The following CSMD1 variants were observed in gnomAD, a reference collection of about 807,000 sequenced individuals.
The protein encoded by CSMD1 is CUB and Sushi multiple domains 1, also known as CUB and sushi domain-containing protein 1.
Under a neutral mutation model 417.5 loss-of-function variants are expected in CSMD1, and 213 were observed. The ratio of observed to expected loss-of-function variants is 0.51; its 90% CI spans 0.46 to 0.57. CSMD1 has a LOEUF of 0.57. CSMD1 is among the 20% of genes least tolerant of loss of function. The pLI, the probability that CSMD1 is intolerant of heterozygous loss-of-function variation, is 0.00. For missense variants in CSMD1, 6,923 were observed against 4,529.7 expected, an observed-to-expected ratio of 1.53 and a Z score of -15.17; for synonymous variants, 2,862 against 1,736.8, an observed-to-expected ratio of 1.65 and a Z score of -16.11.
At chr8:3,128,817 T>C in intron 41 of CSMD1, 1 of 437,870 alleles carries the variant, frequency 2.3e-6, no homozygotes, top group Non-Finnish European at 4.5e-6. Flanking sequence ...TTTTTTTAAT[T>C]GAAAGTCCTT....
intron 10 of CSMD1, among the ~76,000 whole-genome samples, chr8:3,518,621 T>C (rs761782678): frequency 1.3e-5 from 2 of 152,184 alleles, no homozygotes; most frequent in Non-Finnish European, 2.9e-5. Flanking sequence ...TGGGAGTTAA[T>C]GTAGGGTATC....
chr8:4,824,486 T>C (rs1799702168), intron 1 of CSMD1, among the ~76,000 whole-genome samples: 1 of 152,140 alleles, frequency 6.6e-6, no homozygotes, highest in Non-Finnish European at 1.5e-5. Context: ...AGAAATAGAA[T>C]GGTTTTTAAA....
intron 1 of CSMD1, among the ~76,000 whole-genome samples, chr8:4,746,673 T>G (rs1158629913): frequency 1.3e-5 from 2 of 152,174 alleles, no homozygotes; most frequent in South Asian, 2.1e-4. Context: ...AGTTCATTTA[T>G]GCATCTGCTG....
intron 9 of CSMD1, among the ~76,000 whole-genome samples, chr8:3,577,625 T>C (rs13255417): frequency 0.34 from 51,614 of 152,058 alleles, 10,233 homozygotes; most frequent in Middle Eastern, 0.45. Flanking sequence ...AATATTAGCA[T>C]AGCTTCTGAA....
chr8:4,562,763 G>C (rs897874405), intron 2 of CSMD1, among the ~76,000 whole-genome samples: 2 of 152,112 alleles, frequency 1.3e-5, no homozygotes, highest in African/African-American at 4.8e-5. Flanking sequence ...TGTTAGCAGA[G>C]TCAAGAATAT....
intron 7 of CSMD1, among the ~76,000 whole-genome samples, chr8:3,703,322 C>G (rs1481706): frequency 2.6e-5 from 4 of 152,124 alleles, no homozygotes; most frequent in Admixed American, 6.5e-5. Flanking sequence ...TGTAAAGAAG[C>G]TGATGAACGT....
chr8:4,083,660 C>T (rs1444934685), intron 3 of CSMD1, among the ~76,000 whole-genome samples: 3 of 152,128 alleles, frequency 2.0e-5, no homozygotes, highest in Non-Finnish European at 4.4e-5. Context: ...GAAACTGGAT[C>T]CCTTCCTTAC....
At chr8:4,988,632 T>A (rs1050437131) in intron 1 of CSMD1, among the ~76,000 whole-genome samples, 1 of 152,210 alleles carries the variant, frequency 6.6e-6, no homozygotes, top group African/African-American at 2.4e-5. Flanking sequence ...GCCTAATGGA[T>A]GACAAAATCT....
rs56305273 is a variant in CSMD1, at chr8:3,766,673, T to A, written c.819-12631A>T. 7.6e-4 allele frequency among the ~76,000 whole-genome samples: 114 copies of A among 149,396 alleles called. 1 individual carries two copies. Among genetic ancestry groups the A allele is most frequent in the South Asian group, 3.8e-3 (18 of 4,700 alleles). On this transcript the variant is annotated intron_variant, in intron 5 of 69. Transcript: ENST00000635120. ...AAGACTGATAATAAAGAAAATAATT[T>A]AAAAAAAAAACATGGTAACAATTTA...
At chr8:3,564,171 C>T (rs1799594102) in intron 10 of CSMD1, among the ~76,000 whole-genome samples, 1 of 152,040 alleles carries the variant, frequency 6.6e-6, no homozygotes, top group Non-Finnish European at 1.5e-5. Flanking sequence ...TTTCTTCTAG[C>T]TATTTTGAAA....
chr8:4,674,583 G>A lies in CSMD1; in HGVS notation c.86-37025C>T, dbSNP rs185030023. Among the ~76,000 whole-genome samples, 10 of 152,240 alleles carry A rather than the reference G, an allele frequency of 6.6e-5. No individual in the cohort carries two copies. The East Asian group carries it at 1.7e-3, about 27-fold the overall frequency. On this transcript the variant is annotated intron_variant, in intron 1 of 69. Transcript: ENST00000635120. ...CAAAGATGTACCACTAACCGTTCTG[G>A]TACTTGAAGCTTTGGTGCAAATCAG...
intron 3 of CSMD1, among the ~76,000 whole-genome samples, chr8:4,124,768 C>A (rs1410755585): frequency 6.6e-6 from 1 of 152,116 alleles, no homozygotes; most frequent in African/African-American, 2.4e-5. Flanking sequence ...AAACTTCAAC[C>A]AATCATATAG....
chr8:4,195,674 G>A (rs779513758), intron 3 of CSMD1, among the ~76,000 whole-genome samples: 2 of 152,166 alleles, frequency 1.3e-5, no homozygotes, highest in African/African-American at 4.8e-5. Flanking sequence ...TGAAGCAGAG[G>A]CTGTGTTGAA....
At chr8:4,663,531 G>A (rs1350781375) in intron 1 of CSMD1, among the ~76,000 whole-genome samples, 1 of 152,106 alleles carries the variant, frequency 6.6e-6, no homozygotes, top group South Asian at 2.1e-4. Flanking sequence ...GATAGTGCAT[G>A]CTAGTGAGTT....
At chr8:4,032,417 C>G (rs767339507) in intron 3 of CSMD1, among the ~76,000 whole-genome samples, 2 of 149,820 alleles carry the variant, frequency 1.3e-5, no homozygotes, top group Non-Finnish European at 3.0e-5. Context: ...TCTACTTACT[C>G]CTATAGTGAG....
At chr8:3,796,522 TATATCTAAGATATATATCTATATCC>T (rs1336827168) in intron 5 of CSMD1, among the ~76,000 whole-genome samples, 127 of 144,608 alleles carry the variant, frequency 8.8e-4, no homozygotes, top group South Asian at 7.3e-3. Flanking sequence ...TCTATATATC[TATATCTAAGATATATATCTATATCC>T]ATACATGATA....
chr8:4,621,646 A>T (rs1474359547), intron 2 of CSMD1, among the ~76,000 whole-genome samples: 3 of 152,126 alleles, frequency 2.0e-5, no homozygotes, highest in African/African-American at 7.2e-5. Flanking sequence ...AGTTTTAGAA[A>T]CAGAGGAGAA....
At chr8:4,400,007 C>G (rs35589069) in intron 3 of CSMD1, among the ~76,000 whole-genome samples, 4 of 152,078 alleles carry the variant, frequency 2.6e-5, no homozygotes, top group Non-Finnish European at 5.9e-5. Flanking sequence ...AGTGAATTCC[C>G]ACACCATCTA....
At chr8:4,175,793 C>A (rs1012092645) in intron 3 of CSMD1, among the ~76,000 whole-genome samples, 1 of 152,116 alleles carries the variant, frequency 6.6e-6, no homozygotes, top group Admixed American at 6.6e-5. Context: ...CTATGATGAT[C>A]ATGGCAATAC....
Sources: allele counts gnomAD v4.1 joint callset (sites outside exome capture counted in the v4.1 genomes callset), GRCh38; gene constraint gnomAD v4.1.1; transcripts MANE v1.5; gene names NCBI Gene and HGNC (gene_info 2026-07-23, HGNC 2026-07-21).